GRID2: variants seen among roughly 807,000 people sequenced by gnomAD.
GRID2 encodes the protein glutamate ionotropic receptor delta type subunit 2.
GRID2 carries 33 observed loss-of-function variants against 114.8 expected under a neutral mutation model. The observed-to-expected ratio is 0.29, with a 90% CI of 0.22 to 0.38. GRID2 has a LOEUF of 0.38. Ranked by LOEUF, GRID2 falls within the 10% of genes least tolerant of loss-of-function variation. The pLI is 1.00. For missense variants in GRID2, 1,184 were observed against 1,257.7 expected (o/e 0.94, Z 0.89); for synonymous variants, 505 against 449.9 (o/e 1.12, Z -1.55).
intron 13 of GRID2, among the ~76,000 whole-genome samples, chr4:93,594,823 C>T (rs1273351659): frequency 6.6e-6 from 1 of 152,184 alleles, no homozygotes; most frequent in African/African-American, 2.4e-5. Flanking sequence ...TTTCCAGGTG[C>T]CGTCCATCAC....
intron 4 of GRID2, among the ~76,000 whole-genome samples, chr4:93,120,307 G>T (rs1282279833): frequency 6.6e-6 from 1 of 152,034 alleles, no homozygotes; most frequent in Non-Finnish European, 1.5e-5. Flanking sequence ...GATGTTTCTT[G>T]CAGCACTATT....
At chr4:92,701,856 C>T (rs1294855595) in intron 2 of GRID2, among the ~76,000 whole-genome samples, 1 of 152,084 alleles carries the variant, frequency 6.6e-6, no homozygotes, top group Non-Finnish European at 1.5e-5. Context: ...GTTAGGGCGA[C>T]CTCGGGGCAT....
intron 2 of GRID2, among the ~76,000 whole-genome samples, chr4:92,676,303 C>G (rs1028839790): frequency 6.6e-6 from 1 of 151,764 alleles, no homozygotes; most frequent in Admixed American, 6.6e-5. Flanking sequence ...CCTCAGCCTC[C>G]CGAGTAGCTG....
chr4:93,305,344 C>T (rs151316062), intron 8 of GRID2, among the ~76,000 whole-genome samples: 13 of 152,144 alleles, frequency 8.5e-5, no homozygotes, highest in East Asian at 3.9e-4. Flanking sequence ...ATCCACAATT[C>T]GGGGTGATTT....
chr4:93,726,963 T>G (rs528611433), intron 14 of GRID2, among the ~76,000 whole-genome samples: 2 of 152,212 alleles, frequency 1.3e-5, no homozygotes, highest in Non-Finnish European at 2.9e-5. Flanking sequence ...TTTTCCTAAG[T>G]GAATACCCCT....
At chr4:93,105,673 C>G (rs1732153283) in intron 3 of GRID2, among the ~76,000 whole-genome samples, 1 of 152,180 alleles carries the variant, frequency 6.6e-6, no homozygotes, top group African/African-American at 2.4e-5. Flanking sequence ...CACCTTTCTT[C>G]ACTCAAGATC....
chr4:93,511,952 T>C (rs549216317), intron 12 of GRID2, among the ~76,000 whole-genome samples: 1 of 151,856 alleles, frequency 6.6e-6, no homozygotes, highest in Non-Finnish European at 1.5e-5. Flanking sequence ...CAGCTAATTT[T>C]TTTTTTGTCT....
intron 4 of GRID2, among the ~76,000 whole-genome samples, chr4:93,144,115 G>A (rs900923765): frequency 2.0e-5 from 3 of 152,148 alleles, no homozygotes; most frequent in Admixed American, 1.3e-4. Context: ...AGTCATGCCA[G>A]ATAATTTACA....
chr4:93,140,235 T>G (rs1335845374), intron 4 of GRID2, among the ~76,000 whole-genome samples: 1 of 147,852 alleles, frequency 6.8e-6, no homozygotes. Context: ...CACCGCTCAC[T>G]GCAAGCTACG....
intron 2 of GRID2, among the ~76,000 whole-genome samples, chr4:92,767,634 C>T (rs2149349586): frequency 6.6e-6 from 1 of 152,120 alleles, no homozygotes; most frequent in Non-Finnish European, 1.5e-5. Context: ...ATCTGTAATT[C>T]CAGCTACTCC....
At chr4:92,622,800 G>C (rs1730335480) in intron 2 of GRID2, among the ~76,000 whole-genome samples, 1 of 151,626 alleles carries the variant, frequency 6.6e-6, no homozygotes, top group African/African-American at 2.4e-5. Flanking sequence ...ACATATTCCT[G>C]AGCTGTAAAA....
chr4:92,553,082 T>C (rs1173373959), intron 1 of GRID2, among the ~76,000 whole-genome samples: 2 of 152,144 alleles, frequency 1.3e-5, no homozygotes, highest in Non-Finnish European at 2.9e-5. Context: ...TTCTTCTTTT[T>C]GGTGGGTGGG....
intron 13 of GRID2, among the ~76,000 whole-genome samples, chr4:93,584,218 C>A (rs1021395125): frequency 2.6e-5 from 4 of 152,080 alleles, no homozygotes; most frequent in African/African-American, 9.7e-5. Context: ...CCTCTAAAGG[C>A]TCTCTTATAA....
intron 2 of GRID2, among the ~76,000 whole-genome samples, chr4:92,608,632 C>T (rs1008377089): frequency 6.6e-6 from 1 of 151,812 alleles, no homozygotes; most frequent in South Asian, 2.1e-4. Flanking sequence ...TGTGCTCTTA[C>T]ATGAAAACAT....
At chr4:93,053,722 T>C (rs1726945785) in intron 2 of GRID2, among the ~76,000 whole-genome samples, 1 of 151,956 alleles carries the variant, frequency 6.6e-6, no homozygotes, top group Non-Finnish European at 1.5e-5. Flanking sequence ...GCCAGCAATT[T>C]AATCTGCTAT....
chr4:92,561,957 C>A (rs1727123222), intron 1 of GRID2, among the ~76,000 whole-genome samples: 1 of 152,120 alleles, frequency 6.6e-6, no homozygotes, highest in Admixed American at 6.6e-5. Context: ...TTTATAAAAT[C>A]ACATTATGGG....
At chr4:92,975,171 A>AAAAAAAAAAAAAAAAG (rs1753789760) in intron 2 of GRID2, among the ~76,000 whole-genome samples, 1 of 149,952 alleles carries the variant, frequency 6.7e-6, no homozygotes, top group Non-Finnish European at 1.5e-5. Flanking sequence ...AAAAAAAAAA[A>AAAAAAAAAAAAAAAAG]AAAAAAGGTG....
chr4:93,397,566 G>A (rs1765454870), intron 9 of GRID2, among the ~76,000 whole-genome samples: 2 of 151,894 alleles, frequency 1.3e-5, no homozygotes, highest in South Asian at 4.1e-4. Flanking sequence ...CTCAGTAATG[G>A]ATATAAGAGA....
intron 14 of GRID2, among the ~76,000 whole-genome samples, chr4:93,740,813 G>A (rs187066477): frequency 2.0e-5 from 3 of 151,526 alleles, no homozygotes; most frequent in Admixed American, 6.6e-5. Flanking sequence ...AGTCTACTTG[G>A]GGGGGCAAGG....
Sources: gnomAD v4.1 joint callset for allele counts (sites outside exome capture counted in the v4.1 genomes callset) on GRCh38, gnomAD v4.1.1 for gene constraint, MANE v1.5 for transcripts, NCBI Gene and HGNC (gene_info 2026-07-23, HGNC 2026-07-21) for gene names.